The following CKAP5 variants were observed in gnomAD, a reference collection of about 807,000 sequenced individuals.
The protein encoded by CKAP5 is cytoskeleton associated protein 5.
Under a neutral mutation model 232.8 loss-of-function variants are expected in CKAP5, and 27 were observed. The observed-to-expected ratio is 0.12, with a 90% CI of 0.09 to 0.16. The LOEUF is 0.16. Ranked by LOEUF, CKAP5 falls within the 10% of genes least tolerant of loss-of-function variation. The pLI is 1.00. For synonymous variants in CKAP5, 785 were observed against 841.1 expected (o/e 0.93, Z 1.16); for missense variants, 1,838 against 2,424.7 (o/e 0.76, Z 5.08).
At chr11:46,819,203 G>A (rs1271114240) in intron 2 of CKAP5, among the ~76,000 whole-genome samples, 1 of 152,160 alleles carries the variant, frequency 6.6e-6, no homozygotes. Flanking sequence ...TGGTAATTGA[G>A]CTGAGCCCTG....
chr11:46,816,506 A>G (rs1175440315), intron 3 of CKAP5, 102 bp from the exon 4 acceptor site: 1 of 778,078 alleles, frequency 1.3e-6, no homozygotes. Context: ...TGCTAGAAAT[A>G]CAGTAAATGA....
intron 42 of CKAP5, among the ~76,000 whole-genome samples, chr11:46,748,084 C>T (rs2065035486): frequency 6.6e-6 from 1 of 151,970 alleles, no homozygotes; most frequent in Non-Finnish European, 1.5e-5. Flanking sequence ...AGTGAAACAA[C>T]AGGAAGAGGA....
rs1219720454 is a variant in CKAP5, at chr11:46,788,722, T to C, written c.1927A>G (p.Met643Val). 1 of 1,608,230 alleles carries C rather than the reference T, an allele frequency of 6.2e-7. No individual in the cohort carries two copies. The highest frequency in any genetic ancestry group is 8.5e-7 in the Non-Finnish European group (1 of 1,177,948). ...TTCCATCCAGGTTTCTTGGCTAGCA[T>C]CCTCACTAATGCCTGGCATGGCATT... Reference protein sequence around the residue: ...TEMPCQALVRMLAKKPGWKET... With the variant: ...TEMPCQALVRVLAKKPGWKET... The change falls in exon 16 of 44, where the codon ATG (methionine) becomes GTG (valine). Residue 643 changes from methionine (M) to valine (V), a missense_variant. Transcript: ENST00000529230.
intron 16 of CKAP5, among the ~76,000 whole-genome samples, chr11:46,786,233 T>C (rs1400834980): frequency 6.6e-6 from 1 of 152,166 alleles, no homozygotes; most frequent in African/African-American, 2.4e-5. Flanking sequence ...GTAAGGACAG[T>C]GAGGTTTCTG....
In CKAP5 at chr11:46,784,510, A is replaced by G; in HGVS notation, c.2132T>C (p.Met711Thr). 1 of 1,614,134 alleles carries G rather than the reference A, an allele frequency of 6.2e-7. No homozygotes were observed. Residue 711 changes from methionine (M) to threonine (T), a missense_variant, in exon 17 of 44, where the codon ATG becomes ACG. Physicochemically the swap from Met to Thr is moderately conservative, Grantham distance 81 (BLOSUM62 -1). Around this residue, in one of 6 missense-constraint regions of CKAP5, gnomAD observed 767 missense variants for 954.6 expected, o/e 0.80. Coordinates refer to ENST00000529230, the MANE Select transcript of CKAP5 (RefSeq NM_001008938.4). Reference sequence around the variant, plus strand: ...AACCTGTTCAGCAGTCCATGGTAACATACAGGCTTCGGCTATTGCTGTCAT... The same window carrying G: ...AACCTGTTCAGCAGTCCATGGTAACGTACAGGCTTCGGCTATTGCTGTCAT... ...EAMTAIAEAC[M>T]LPWTAEQVVS... is the part of the protein sequence containing the mutation.
chr11:46,802,321 G>C (rs1490978552), intron 8 of CKAP5: 1 of 152,192 alleles, frequency 6.6e-6, no homozygotes, highest in Non-Finnish European at 1.5e-5. Flanking sequence ...CTACGACTGG[G>C]TTCCTTCCTG....
chr11:46,769,863 G>A (rs907369018), intron 26 of CKAP5, 100 bp downstream of exon 26: 5 of 1,309,852 alleles, frequency 3.8e-6, no homozygotes, highest in Middle Eastern at 2.4e-4. Flanking sequence ...TTGGATCTAC[G>A]CTGTAAGGAA....
At chr11:46,846,124 G>C (rs1170420262) in intron 1 of CKAP5, 96 bp downstream of exon 1, 1 of 152,038 alleles carries the variant, frequency 6.6e-6, no homozygotes. Flanking sequence ...CGCGCGTCTG[G>C]AGACCTCCAG....
In CKAP5 at chr11:46,770,950, A is replaced by C; in HGVS notation, c.3024T>G (p.Thr1008=). 1.9e-6 allele frequency: 3 copies of C among 1,613,816 alleles called. No individual in the cohort carries two copies. Among genetic ancestry groups the C allele is most frequent in the Non-Finnish European group, 2.5e-6 (3 of 1,179,778 alleles). ...TAAGGTCTGTAGGGGTGGAACGAAG[A>C]GTAGGTAGTTTCTCAGCCAGCCAGC... The part of the protein sequence containing the change: ...LLGWLAEKLP[T]LRSTPTDLIL... Residue 1008 remains threonine, a synonymous_variant, in exon 25 of 44, where the codon ACT becomes ACG. Transcript: ENST00000529230.
At chr11:46,772,733 C>CTTTTTTTTTTTT (rs139098308) in intron 24 of CKAP5, among the ~76,000 whole-genome samples, 1 of 145,610 alleles carries the variant, frequency 6.9e-6, no homozygotes. Context: ...AGTGATTCCT[C>CTTTTTTTTTTTT]TTTTTTTTTT....
At chr11:46,839,291 C>A (rs1290928782) in intron 1 of CKAP5, among the ~76,000 whole-genome samples, 1 of 152,110 alleles carries the variant, frequency 6.6e-6, no homozygotes, top group Non-Finnish European at 1.5e-5. Flanking sequence ...AGTTCCAGAA[C>A]AGAATGCAAA....
chr11:46,843,123 C>T (rs949786077), intron 1 of CKAP5, among the ~76,000 whole-genome samples: 1 of 151,352 alleles, frequency 6.6e-6, no homozygotes, highest in African/African-American at 2.4e-5. Context: ...GCTGGTCTCC[C>T]ACCATTAAGG....
intron 24 of CKAP5, among the ~76,000 whole-genome samples, chr11:46,772,109 C>T (rs2065252447): frequency 6.6e-6 from 1 of 150,866 alleles, no homozygotes; most frequent in Non-Finnish European, 1.5e-5. Context: ...TCTCAGCTCA[C>T]TACTCACAGG....
rs151140317 is a variant in CKAP5 at position 46,776,336 on chromosome 11, T to C, written c.2910A>G (p.Glu970=). The change falls in exon 24 of 44, where the codon GAA becomes GAG. Residue 970 remains glutamate (E), a synonymous_variant. Transcript: ENST00000529230. The stretch of plus-strand genomic sequence containing the variant: ...CCAGCCATTCCTTCATGCCAGTCTG[T>C]TCTGCCCAAGCATTCACAGTCGCTA... ...AALATVNAWA[E]QTGMKEWLEG... 3.0e-4 allele frequency: 487 copies of C among 1,613,940 alleles called. 3 individuals are homozygous for C. The African/African-American group carries it at 5.8e-3, about 19-fold the overall frequency.
chr11:46,753,165 G>A (rs1592433251), intron 37 of CKAP5, 145 bp downstream of exon 37: 1 of 595,470 alleles, frequency 1.7e-6, no homozygotes, highest in Non-Finnish European at 2.9e-6. Context: ...AGTTATAACT[G>A]ATGTAGCTAT....
At chr11:46,778,638 A>C (rs559355465) in intron 20 of CKAP5, 39 bp from the exon 21 acceptor site, 1 of 1,585,828 alleles carries the variant, frequency 6.3e-7, no homozygotes. Flanking sequence ...TGAAATTTAT[A>C]TAGGATATGG....
intron 21 of CKAP5, 67 bp from the exon 22 acceptor site, chr11:46,778,380 C>T: frequency 6.2e-7 from 1 of 1,601,608 alleles, no homozygotes. Context: ...TTAAGTTCCC[C>T]TCACTGAATT....
In CKAP5 at chr11:46,816,214, G is replaced by T; in HGVS notation, c.442C>A (p.Leu148Met). 1 of 1,613,942 alleles carries T rather than the reference G, an allele frequency of 6.2e-7. No individual in the cohort carries two copies. The highest frequency in any genetic ancestry group is 1.1e-5 in the South Asian group (1 of 91,058). The part of the protein sequence containing the change: ...PKIIVACIET[L>M]RKALSEFGSK... ...AAGTCTTACCTTAAGGCTTTCCTCAGTGTCTCTATACAGGCCACTATGATC... is the reference window on the plus strand; with the variant it reads ...AAGTCTTACCTTAAGGCTTTCCTCATTGTCTCTATACAGGCCACTATGATC... Residue 148 changes from leucine to methionine, a missense_variant, in exon 4 of 44, where the codon CTG becomes ATG. Leu to Met is a conservative substitution (Grantham distance 15). This residue lies in a region of CKAP5 where 285 missense variants were observed against 300.0 expected (regional missense o/e 0.95). Coordinates refer to ENST00000529230, the MANE Select transcript of CKAP5 (RefSeq NM_001008938.4).
intron 38 of CKAP5, among the ~76,000 whole-genome samples, chr11:46,752,194 A>ATATATATATG (rs57191772): frequency 1.6e-5 from 1 of 61,326 alleles, no homozygotes; most frequent in African/African-American, 4.9e-5. Context: ...ATATATATAT[A>ATATATATATG]CACACACACA....
Sources: allele counts gnomAD v4.1 joint callset (sites outside exome capture counted in the v4.1 genomes callset), GRCh38; gene constraint gnomAD v4.1.1; regional missense constraint gnomAD v4.1.1; transcripts MANE v1.5; gene names NCBI Gene and HGNC (gene_info 2026-07-23, HGNC 2026-07-21).